Variants in LRP2BP observed in about 807,000 individuals in gnomAD.
LRP2BP encodes the protein LRP2 binding protein.
A neutral mutation model predicts 45.2 loss-of-function variants in LRP2BP; 38 were observed. The ratio of observed to expected loss-of-function variants is 0.84; its 90% CI spans 0.65 to 1.10. LRP2BP has a LOEUF of 1.10. LRP2BP is among the 50% of genes least tolerant of loss of function. LRP2BP has a pLI of 0.00. For synonymous variants in LRP2BP, 153 were observed against 153.9 expected (o/e 0.99, Z 0.04); for missense variants, 385 against 418.9 (o/e 0.92, Z 0.71).
upstream of LRP2BP, chr4:185,397,085 C>T: frequency 6.2e-7 from 1 of 1,609,724 alleles, no homozygotes; most frequent in Non-Finnish European, 8.5e-7. Context: ...GGGAGGTTTC[C>T]AGCCCGGAGG....
chr4:185,396,514 C>T (rs2095503481), upstream of LRP2BP: 1 of 196,800 alleles, frequency 5.1e-6, no homozygotes, highest in Admixed American at 6.2e-5. Flanking sequence ...GCTCCTACTC[C>T]AGTCCTCTCA....
intron 1 of LRP2BP, among the ~76,000 whole-genome samples, chr4:185,388,657 AAAT>A (rs539147333): frequency 7.6e-4 from 116 of 152,336 alleles, no homozygotes; most frequent in African/African-American, 2.7e-3. Context: ...TTATACAGAA[AAAT>A]AATATTTCAA....
At chr4:185,370,865 GT>G in intron 7 of LRP2BP, 51 bp from the exon 8 acceptor site, 1 of 1,593,426 alleles carries the variant, frequency 6.3e-7, no homozygotes, top group Non-Finnish European at 8.6e-7. Context: ...TATGGTAAGT[GT>G]TTGTAAAACG....
chr4:185,384,160 G>A (rs913416568), intron 1 of LRP2BP, among the ~76,000 whole-genome samples: 1 of 152,046 alleles, frequency 6.6e-6, no homozygotes, highest in Admixed American at 6.6e-5. Context: ...CTTAAGGATG[G>A]GATTTGTGCC....
chr4:185,396,071 C>A (rs111687817), upstream of LRP2BP: 3 of 193,820 alleles, frequency 1.5e-5, no homozygotes, highest in Non-Finnish European at 2.8e-5. Context: ...CGGGTCCGCT[C>A]TCCCGGGAGG....
chr4:185,389,081 T>A (rs947400532), intron 1 of LRP2BP, among the ~76,000 whole-genome samples: 1 of 152,106 alleles, frequency 6.6e-6, no homozygotes, highest in Non-Finnish European at 1.5e-5. Flanking sequence ...GGTTTCACCA[T>A]GTTGGCCAGG....
chr4:185,370,857 T>C, intron 7 of LRP2BP, 43 bp from the exon 8 acceptor site: 1 of 1,603,214 alleles, frequency 6.2e-7, no homozygotes. Flanking sequence ...ACATCAGTTA[T>C]GGTAAGTGTT....
At chr4:185,377,213 G>A (rs1490987840) in intron 2 of LRP2BP, 195 bp from the exon 3 acceptor site, 1 of 555,846 alleles carries the variant, frequency 1.8e-6, no homozygotes, top group African/African-American at 1.9e-5. Context: ...CTAACACTGT[G>A]CCTTGTGTAA....
intron 3 of LRP2BP, 148 bp downstream of exon 3, chr4:185,376,761 A>G: frequency 1.6e-6 from 1 of 606,108 alleles, no homozygotes; most frequent in Non-Finnish European, 2.9e-6. Context: ...GCAGCACTGT[A>G]TCCTACTGTT....
intron 1 of LRP2BP, chr4:185,378,928 T>C: frequency 1.0e-6 from 1 of 985,396 alleles, no homozygotes; most frequent in Non-Finnish European, 1.2e-6. Context: ...TCCTGATTGG[T>C]GGTCAAGAGA....
Position 185,374,144 on chromosome 4 carries a change from C to G in LRP2BP, c.570G>C (p.Glu190Asp), listed in dbSNP as rs552283919. 4 of 1,613,654 alleles carry G rather than the reference C, an allele frequency of 2.5e-6. No homozygotes were observed. The highest frequency in any genetic ancestry group is 3.4e-6 in the Non-Finnish European group (4 of 1,179,720). The change falls in exon 6 of 9, where the codon GAG becomes GAC. Residue 190 changes from glutamate (E) to aspartate (D), a missense_variant. Glu to Asp is a conservative substitution (Grantham distance 45, BLOSUM62 2). Coordinates refer to ENST00000505916, the MANE Select transcript of LRP2BP (RefSeq NM_001377440.1). ...GLYYSTKEPKELEKAFYWHSE... is the reference protein window; with the variant it reads ...GLYYSTKEPKDLEKAFYWHSE... ...AAAGAGGGAACGTTACCTTTTCTAA[C>G]TCCTTGGGCTCCTTGGTTGAGTAAT...
intron 4 of LRP2BP, among the ~76,000 whole-genome samples, chr4:185,374,780 C>G (rs766507206): frequency 5.3e-5 from 8 of 152,090 alleles, no homozygotes; most frequent in African/African-American, 1.9e-4. Flanking sequence ...ATCTAATAAC[C>G]CTTATCCTGA....
intron 4 of LRP2BP, 126 bp downstream of exon 4, chr4:185,375,487 A>AAATATAAATAT (rs1554018308): frequency 1.7e-4 from 2 of 12,010 alleles, no homozygotes; most frequent in Non-Finnish European, 2.9e-4. Flanking sequence ...AAAAAAAAAA[A>AAATATAAATAT]ATATATATAT....
intron 3 of LRP2BP, among the ~76,000 whole-genome samples, chr4:185,376,297 A>C (rs2095437274): frequency 6.6e-6 from 1 of 152,084 alleles, no homozygotes. Flanking sequence ...CTTTTTTTTG[A>C]GAGGGAGTCT....
intron 1 of LRP2BP, among the ~76,000 whole-genome samples, chr4:185,384,710 C>T (rs2095465239): frequency 6.6e-6 from 1 of 151,442 alleles, no homozygotes; most frequent in Admixed American, 6.6e-5. Context: ...TGTTATTTTT[C>T]CTTTCATTAC....
upstream of LRP2BP, chr4:185,395,928 G>C (rs1363802932): frequency 2.0e-6 from 2 of 984,850 alleles, no homozygotes; most frequent in Admixed American, 6.1e-5. Context: ...AGAGTCTAGG[G>C]AGCAGCTCTG....
intron 7 of LRP2BP, among the ~76,000 whole-genome samples, chr4:185,371,508 C>G (rs530583725): frequency 6.6e-4 from 91 of 138,906 alleles, no homozygotes; most frequent in Middle Eastern, 7.9e-3. Context: ...CACCACTGCA[C>G]TCCAGCCTGG....
intron 6 of LRP2BP, 130 bp downstream of exon 6, chr4:185,374,005 T>A (rs2095424768): frequency 2.7e-6 from 2 of 747,116 alleles, no homozygotes; most frequent in Admixed American, 2.9e-5. Flanking sequence ...CTAAAATGTA[T>A]GCTTTCTTTA....
At chr4:185,396,299 G>C (rs910190766), upstream of LRP2BP, 3 of 151,986 alleles carry the variant, frequency 2.0e-5, no homozygotes, top group Non-Finnish European at 2.9e-5. Flanking sequence ...GCGCCGAGGC[G>C]GCAGCAGCGC....
Sources: gnomAD v4.1 joint callset for allele counts (sites outside exome capture counted in the v4.1 genomes callset) on GRCh38, gnomAD v4.1.1 for gene constraint, MANE v1.5 for transcripts, NCBI Gene and HGNC (gene_info 2026-07-23, HGNC 2026-07-21) for gene names.